The following PCSK1 variants were observed in gnomAD, a reference collection of about 807,000 sequenced individuals.
The protein encoded by PCSK1 is neuroendocrine convertase 1.
Under a neutral mutation model 90.6 loss-of-function variants are expected in PCSK1, and 56 were observed. The ratio of observed to expected loss-of-function variants is 0.62; its 90% confidence interval spans 0.50 to 0.77. PCSK1 has a LOEUF of 0.77. PCSK1 is among the 30% of genes least tolerant of loss of function. The probability of loss-of-function intolerance (pLI) is 0.00; values close to 1 mark genes in which losing one functional copy is unlikely to be tolerated. For missense variants in PCSK1, 801 were observed against 932.6 expected, an observed-to-expected ratio of 0.86 and a Z score of 1.84; for synonymous variants, 348 against 342.4, an observed-to-expected ratio of 1.02 and a Z score of -0.18.
intron 9 of PCSK1, among the ~76,000 whole-genome samples, chr5:96,405,554 C>A (rs1444383861): frequency 6.6e-6 from 1 of 152,088 alleles, no homozygotes; most frequent in Admixed American, 6.6e-5. Flanking sequence ...GCCTGTAATC[C>A]CAGCTACTCA....
intron 8 of PCSK1, among the ~76,000 whole-genome samples, chr5:96,409,954 A>G (rs1005747834): frequency 6.6e-6 from 1 of 152,188 alleles, no homozygotes; most frequent in Non-Finnish European, 1.5e-5. Context: ...ACGCATTCCA[A>G]GGTCATTATT....
At chr5:96,421,385 C>T (rs961917057) in intron 5 of PCSK1, among the ~76,000 whole-genome samples, 3 of 101,022 alleles carry the variant, frequency 3.0e-5, no homozygotes, top group African/African-American at 1.1e-4. Flanking sequence ...AGGGGCCAGA[C>T]CTCAGAGGCA....
intron 2 of PCSK1, 119 bp downstream of exon 2, chr5:96,429,094 C>A (rs577664084): frequency 3.4e-4 from 216 of 644,046 alleles, no homozygotes; most frequent in Middle Eastern, 2.2e-3. Flanking sequence ...TACAGATAAA[C>A]AATCTTGGTC....
chr5:96,393,070 A>G lies in PCSK1; in HGVS notation c.2193T>C (p.Thr731=), dbSNP rs781303626. 6 of 1,613,910 alleles carry G rather than the reference A, an allele frequency of 3.7e-6. No homozygotes were observed. The Admixed American group carries it at 6.7e-5, about 18-fold the overall frequency. The part of the protein sequence containing the change: ...YNDYVDVFYN[T]KPYKHRDDRL... ...GGTCGTCTCTGTGCTTGTAAGGTTT[A>G]GTGTTATAAAAAACATCAACATAGT... The change falls in exon 14 of 14, where the codon ACT becomes ACC. Residue 731 remains threonine (T), a synonymous_variant. Coordinates refer to ENST00000311106, the MANE Select transcript of PCSK1 (RefSeq NM_000439.5).
At chr5:96,415,490 A>G (rs925499035) in intron 6 of PCSK1, among the ~76,000 whole-genome samples, 7 of 152,242 alleles carry the variant, frequency 4.6e-5, no homozygotes, top group Non-Finnish European at 8.8e-5. Context: ...CTTTATTAAA[A>G]TGTCCACAGT....
At chr5:96,424,761 G>A (rs1326139074) in intron 3 of PCSK1, among the ~76,000 whole-genome samples, 1 of 151,982 alleles carries the variant, frequency 6.6e-6, no homozygotes, top group Non-Finnish European at 1.5e-5. Context: ...TCAGGAGTTC[G>A]AGACCAGACT....
rs1426975042 is a variant in PCSK1 at position 96,392,859 on chromosome 5, A to G, written c.*142T>C. The G allele has an allele frequency of 3.7e-6, 3 of 811,156 alleles. No homozygotes were observed. Among genetic ancestry groups the G allele is most frequent in the East Asian group, 4.8e-5 (2 of 41,324 alleles). 50.2% of individuals were successfully genotyped at this position (811,156 alleles called of 1,614,324 possible). ...TTGAGCTCATCCCCTTCACATGTAC[A>G]GTTTAGGGAGAAAAAGAAAAGGTGC... is the stretch of plus-strand genomic sequence containing the variant. On this transcript the variant is annotated 3_prime_UTR_variant, in exon 14 of 14. Transcript: ENST00000311106.
intron 11 of PCSK1, 120 bp downstream of exon 11, chr5:96,398,759 T>A (rs1760252081): frequency 1.2e-6 from 1 of 868,302 alleles, no homozygotes; most frequent in Non-Finnish European, 1.9e-6. Flanking sequence ...AGCATGTTTT[T>A]TAAGACCTGA....
intron 12 of PCSK1, among the ~76,000 whole-genome samples, chr5:96,395,424 T>C (rs565038921): frequency 6.6e-6 from 1 of 152,268 alleles, no homozygotes; most frequent in Non-Finnish European, 1.5e-5. Flanking sequence ...CCCTTAAAAA[T>C]TGTGTGGCAC....
At chr5:96,399,322 T>A (rs1320769646) in intron 10 of PCSK1, among the ~76,000 whole-genome samples, 1 of 152,190 alleles carries the variant, frequency 6.6e-6, no homozygotes, top group Non-Finnish European at 1.5e-5. Flanking sequence ...AATGATTTTA[T>A]CTAGAAGGCC....
Position 96,410,770 on chromosome 5 carries a change from A to G in PCSK1, c.1095+4T>C. On this transcript the variant is annotated splice_donor_region_variant and intron_variant, in intron 8 of 13. Coordinates refer to ENST00000311106, the MANE Select transcript of PCSK1 (RefSeq NM_000439.5). ...GCAGAGAGAATTAGACAAAAGCAAC[A>G]TACGATTCTCTGGTCGGTGTAATCT... The G allele has an allele frequency of 6.2e-7, 1 of 1,610,520 alleles. No individual in the cohort carries two copies. The highest frequency in any genetic ancestry group is 1.7e-5 in the Admixed American group (1 of 60,028).
intron 5 of PCSK1, among the ~76,000 whole-genome samples, chr5:96,420,462 G>A (rs1761087818): frequency 1.3e-5 from 2 of 152,144 alleles, no homozygotes; most frequent in Non-Finnish European, 2.9e-5. Flanking sequence ...TTACTGGAAT[G>A]TTTTCACCTC....
At chr5:96,415,487 A>G (rs1760911713) in intron 6 of PCSK1, among the ~76,000 whole-genome samples, 1 of 152,202 alleles carries the variant, frequency 6.6e-6, no homozygotes, top group Non-Finnish European at 1.5e-5. Context: ...TTTCTTTATT[A>G]AAATGTCCAC....
chr5:96,395,128 AG>A, intron 12 of PCSK1, 103 bp from the exon 13 acceptor site: 1 of 973,010 alleles, frequency 1.0e-6, no homozygotes, highest in Middle Eastern at 2.6e-4. Context: ...TCTCATTTTA[AG>A]ATTCTGTGCA....
chr5:96,432,196 A>G, intron 1 of PCSK1: 18 of 1,443,320 alleles, frequency 1.2e-5, no homozygotes, highest in Non-Finnish European at 1.6e-5. Context: ...ATAAGTTCCC[A>G]GTGAAAAGCC....
At chr5:96,419,660 T>G (rs1282526059) in intron 5 of PCSK1, among the ~76,000 whole-genome samples, 1 of 151,890 alleles carries the variant, frequency 6.6e-6, no homozygotes, top group African/African-American at 2.4e-5. Context: ...GTGTGGAAGA[T>G]TCACAGCAGG....
chr5:96,432,152 G>A, intron 1 of PCSK1: 3 of 1,534,606 alleles, frequency 2.0e-6, no homozygotes, highest in Non-Finnish European at 2.6e-6. Context: ...CCTGCAGTGG[G>A]ACTGGCCGGG....
intron 6 of PCSK1, among the ~76,000 whole-genome samples, chr5:96,415,522 G>A (rs954518976): frequency 6.6e-6 from 1 of 152,164 alleles, no homozygotes; most frequent in Non-Finnish European, 1.5e-5. Flanking sequence ...AACTTACCAT[G>A]TGTTTCCCCA....
At chr5:96,422,266 T>C (rs1370594068) in intron 4 of PCSK1, among the ~76,000 whole-genome samples, 1 of 152,096 alleles carries the variant, frequency 6.6e-6, no homozygotes, top group Non-Finnish European at 1.5e-5. Flanking sequence ...GTCATCTCAG[T>C]TTTCAGATGA....
Sources: allele counts gnomAD v4.1 joint callset (sites outside exome capture counted in the v4.1 genomes callset), GRCh38; gene constraint gnomAD v4.1.1; transcripts MANE v1.5; gene names NCBI Gene and HGNC (gene_info 2026-07-23, HGNC 2026-07-21).